DOCK4: variants seen among roughly 807,000 people sequenced by gnomAD.
DOCK4 encodes dedicator of cytokinesis protein 4.
In DOCK4, 97 loss-of-function variants were observed where a neutral mutation model predicts 268.1. The ratio of observed to expected loss-of-function variants is 0.36; its 90% confidence interval spans 0.31 to 0.43. The LOEUF is 0.43. DOCK4 is among the 20% of genes least tolerant of loss of function. DOCK4 has a pLI of 1.00. For synonymous variants in DOCK4, 954 were observed against 887.2 expected (o/e 1.08, Z -1.34); for missense variants, 2,145 against 2,455.7 (o/e 0.87, Z 2.67).
intron 20 of DOCK4, among the ~76,000 whole-genome samples, chr7:111,870,038 T>G (rs761544232): frequency 1.5e-4 from 23 of 152,128 alleles, no homozygotes; most frequent in Non-Finnish European, 7.4e-5. Flanking sequence ...AACAGCTGGA[T>G]GCAATATCAT....
At chr7:112,202,830 A>G (rs985939253) in intron 1 of DOCK4, among the ~76,000 whole-genome samples, 1 of 152,156 alleles carries the variant, frequency 6.6e-6, no homozygotes, top group Non-Finnish European at 1.5e-5. Flanking sequence ...TACATTTAAA[A>G]AACAAACAAA....
At chr7:111,746,039 T>C (rs1796244765) in intron 44 of DOCK4, among the ~76,000 whole-genome samples, 1 of 152,216 alleles carries the variant, frequency 6.6e-6, no homozygotes, top group Admixed American at 6.5e-5. Flanking sequence ...AAGATATCTC[T>C]TATGTATATG....
At chr7:111,748,434 C>A (rs1479863860) in intron 42 of DOCK4, among the ~76,000 whole-genome samples, 2 of 152,052 alleles carry the variant, frequency 1.3e-5, no homozygotes, top group Non-Finnish European at 2.9e-5. Flanking sequence ...AGGCAAACGA[C>A]CCAATAAAAA....
At chr7:111,784,523 T>G (rs979951748) in intron 32 of DOCK4, 2 of 462,700 alleles carry the variant, frequency 4.3e-6, no homozygotes, top group African/African-American at 4.0e-5. Flanking sequence ...TTGTACTATC[T>G]GTGCACTCAC....
intron 1 of DOCK4, among the ~76,000 whole-genome samples, chr7:112,099,187 G>A (rs575171040): frequency 2.6e-5 from 4 of 151,978 alleles, no homozygotes; most frequent in Admixed American, 6.6e-5. Flanking sequence ...AACTACTTGG[G>A]AGGCTGAGAT....
chr7:111,738,366 G>A (rs1173034557), intron 49 of DOCK4, among the ~76,000 whole-genome samples: 1 of 152,192 alleles, frequency 6.6e-6, no homozygotes, highest in Non-Finnish European at 1.5e-5. Context: ...ATACTCATGG[G>A]TACCCAGATA....
intron 44 of DOCK4, among the ~76,000 whole-genome samples, chr7:111,744,984 G>A (rs1486970300): frequency 6.6e-6 from 1 of 152,134 alleles, no homozygotes; most frequent in Non-Finnish European, 1.5e-5. Context: ...AGAAAGAAAT[G>A]CCTTTGTCAT....
intron 29 of DOCK4, 129 bp from the exon 30 acceptor site, chr7:111,809,008 T>C: frequency 7.9e-6 from 8 of 1,014,676 alleles, no homozygotes; most frequent in Non-Finnish European, 1.0e-5. Context: ...ACATTTAATA[T>C]ACATGTCACG....
At chr7:111,766,978 A>C in intron 38 of DOCK4, 54 bp downstream of exon 38, 1 of 1,379,450 alleles carries the variant, frequency 7.2e-7, no homozygotes, top group Non-Finnish European at 1.0e-6. Context: ...CACACTGGAA[A>C]GCTAATCACA....
chr7:111,894,445 C>T (rs1808568846), intron 16 of DOCK4, among the ~76,000 whole-genome samples: 2 of 150,832 alleles, frequency 1.3e-5, no homozygotes, highest in South Asian at 2.1e-4. Flanking sequence ...AGTTCTGGGA[C>T]AGTGTGATGA....
intron 10 of DOCK4, among the ~76,000 whole-genome samples, chr7:111,942,100 T>C (rs1795255998): frequency 6.6e-6 from 1 of 152,200 alleles, no homozygotes; most frequent in Non-Finnish European, 1.5e-5. Flanking sequence ...ATCAGATTTC[T>C]AGCACATTCT....
At chr7:112,106,768 T>G (rs906788295) in intron 1 of DOCK4, among the ~76,000 whole-genome samples, 3 of 152,198 alleles carry the variant, frequency 2.0e-5, no homozygotes, top group Non-Finnish European at 4.4e-5. Context: ...CTGTGCGGAT[T>G]TAGGAGGTGG....
At chr7:111,930,650 T>A (rs890612983) in intron 12 of DOCK4, among the ~76,000 whole-genome samples, 3 of 152,234 alleles carry the variant, frequency 2.0e-5, no homozygotes, top group African/African-American at 4.8e-5. Flanking sequence ...CAACATTATC[T>A]AACTGTTGTG....
At chr7:111,934,523 G>GTTTT (rs1183672033) in intron 12 of DOCK4, among the ~76,000 whole-genome samples, 47 of 83,830 alleles carry the variant, frequency 5.6e-4, no homozygotes, top group Non-Finnish European at 8.2e-4. Context: ...TTTTGTTTTT[G>GTTTT]TTTTTTTTTT....
chr7:111,896,212 C>T (rs1283796829), intron 15 of DOCK4, among the ~76,000 whole-genome samples: 1 of 152,238 alleles, frequency 6.6e-6, no homozygotes, highest in Admixed American at 6.5e-5. Context: ...TATCCACACA[C>T]GTAAGGAAAG....
At chr7:111,936,837 T>C (rs913936827) in intron 11 of DOCK4, among the ~76,000 whole-genome samples, 3 of 152,178 alleles carry the variant, frequency 2.0e-5, no homozygotes, top group African/African-American at 4.8e-5. Flanking sequence ...TGCCACAGGA[T>C]TTTGCAGGAT....
intron 12 of DOCK4, among the ~76,000 whole-genome samples, chr7:111,922,783 G>A (rs188152889): frequency 4.6e-5 from 7 of 151,936 alleles, no homozygotes; most frequent in East Asian, 1.9e-4. Context: ...GGGTTTCACC[G>A]TGTTAGCCAG....
intron 1 of DOCK4, among the ~76,000 whole-genome samples, chr7:112,056,270 G>C (rs1049833796): frequency 6.6e-6 from 1 of 152,282 alleles, no homozygotes; most frequent in South Asian, 2.1e-4. Flanking sequence ...AACTGACAAT[G>C]GTTGATAGAG....
chr7:111,812,076 A>C, intron 27 of DOCK4, 127 bp from the exon 28 acceptor site: 1 of 505,150 alleles, frequency 2.0e-6, no homozygotes, highest in Non-Finnish European at 3.5e-6. Flanking sequence ...ATATTAAATA[A>C]TTCATATTTG....
Sources: gnomAD v4.1 joint callset for allele counts (sites outside exome capture counted in the v4.1 genomes callset) on GRCh38, gnomAD v4.1.1 for gene constraint, MANE v1.5 for transcripts, NCBI Gene and HGNC (gene_info 2026-07-23, HGNC 2026-07-21) for gene names.